The following ANXA1 variants were observed in gnomAD, a reference collection of about 807,000 sequenced individuals.
ANXA1 encodes annexin A1, also known as annexin I (lipocortin I).
In ANXA1, 39 loss-of-function variants were observed where a neutral mutation model predicts 47.9. That is an observed-to-expected ratio of 0.81 (90% CI 0.63 to 1.06). ANXA1 has a LOEUF of 1.06. Among genes scored for constraint, ANXA1 ranks in the 50% least tolerant of loss-of-function variants. The probability of loss-of-function intolerance (pLI) is 0.00; values close to 1 mark genes in which losing one functional copy is unlikely to be tolerated. For synonymous variants in ANXA1, 146 were observed against 142.5 expected (o/e 1.02, Z -0.17); for missense variants, 446 against 422.7 (o/e 1.06, Z -0.48).
intron 11 of ANXA1, chr9:73,168,264 G>C (rs1453839913): frequency 6.6e-6 from 1 of 152,160 alleles, no homozygotes; most frequent in Non-Finnish European, 1.5e-5. Flanking sequence ...GACATGCTAG[G>C]TACTGCTCTG....
chr9:73,159,194 T>G, intron 3 of ANXA1, 135 bp from the exon 4 acceptor site: 1 of 716,102 alleles, frequency 1.4e-6, no homozygotes, highest in South Asian at 1.9e-5. Context: ...TAGCATCGAT[T>G]TTTTAGGCTG....
chr9:73,163,679 C>A, intron 8 of ANXA1, 147 bp downstream of exon 8: 1 of 714,070 alleles, frequency 1.4e-6, no homozygotes, highest in Non-Finnish European at 2.3e-6. Context: ...GCATGTCTTT[C>A]TGTAGCCCCC....
chr9:73,158,855 T>C lies in ANXA1; in HGVS notation c.175+52T>C, dbSNP rs867179177. 8 of 1,397,746 alleles carry C rather than the reference T, an allele frequency of 5.7e-6. No homozygotes were observed. The Middle Eastern group carries it at 5.4e-4, about 94-fold the overall frequency. 86.6% of individuals were successfully genotyped at this position (1,397,746 alleles called of 1,614,324 possible). A position where few individuals can be genotyped will look rare whatever the true frequency, so the allele number is the denominator to read the frequency against. On this transcript the variant is annotated intron_variant, in intron 3 of 12. Coordinates refer to ENST00000257497, the MANE Select transcript of ANXA1 (RefSeq NM_000700.3). ...CTCCTGGACATTTCAGAATGGCTAT[T>C]TGAATGACTGTCAAAAAACAGACAT... is the stretch of plus-strand genomic sequence containing the variant.
Position 73,162,808 on chromosome 9 carries a change from A to T in ANXA1, c.502A>T (p.Ile168Leu). 6.2e-7 allele frequency: 1 copy of T among 1,613,266 alleles called. No individual in the cohort carries two copies. The highest frequency in any genetic ancestry group is 8.5e-7 in the Non-Finnish European group (1 of 1,179,494). The change falls in exon 7 of 13, where the codon ATA becomes TTA. Residue 168 changes from isoleucine (I) to leucine (L), a missense_variant. Ile to Leu is a conservative substitution (Grantham distance 5). Transcript: ENST00000257497. ...ACTGAAGAGAGATCTGGCCAAAGAC[A>T]TAACCTCAGACACATCTGGAGATTT... is the stretch of plus-strand genomic sequence containing the variant. ...EELKRDLAKDITSDTSGDFRN... is the reference protein window; with the variant it reads ...EELKRDLAKDLTSDTSGDFRN...
intron 3 of ANXA1, 57 bp downstream of exon 3, chr9:73,158,860 T>C (rs1824093238): frequency 7.3e-7 from 1 of 1,371,416 alleles, no homozygotes; most frequent in East Asian, 2.3e-5. Context: ...GCTATTTGAA[T>C]GACTGTCAAA....
intron 9 of ANXA1, chr9:73,165,539 A>G (rs1366392861): frequency 5.9e-6 from 1 of 169,552 alleles, no homozygotes; most frequent in South Asian, 1.6e-4. Flanking sequence ...AAACAAAAAA[A>G]AAAAAACAAA....
At chr9:73,154,630 G>A (rs957322740) in intron 1 of ANXA1, among the ~76,000 whole-genome samples, 2 of 152,100 alleles carry the variant, frequency 1.3e-5, no homozygotes, top group African/African-American at 4.8e-5. Flanking sequence ...GTAGAGACGG[G>A]GTTTCGCCAT....
chr9:73,169,035 G>A lies in ANXA1; in HGVS notation c.865G>A (p.Val289Ile), dbSNP rs1355355949. 1 of 1,609,276 alleles carries A rather than the reference G, an allele frequency of 6.2e-7. No homozygotes were observed. The highest frequency in any genetic ancestry group is 1.3e-5 in the African/African-American group (1 of 74,692). Reference protein sequence around the residue: ...AEKLHQAMKGVGTRHKALIRI... With the variant: ...AEKLHQAMKGIGTRHKALIRI... ...TACCCTCATTTATTTTGGCCAGGGT[G>A]TTGGAACTCGCCATAAGGCATTGAT... Residue 289 changes from valine to isoleucine, a missense_variant, in exon 12 of 13, where the codon GTT becomes ATT. Physicochemically the swap from Val to Ile is conservative, Grantham distance 29 (BLOSUM62 3). Transcript: ENST00000257497.
chr9:73,164,079 A>C (rs1824188024), intron 8 of ANXA1, among the ~76,000 whole-genome samples: 1 of 152,152 alleles, frequency 6.6e-6, no homozygotes, highest in Non-Finnish European at 1.5e-5. Flanking sequence ...TGGCAACATA[A>C]GAAAAATCAT....
At chr9:73,154,518 C>T (rs1483966378) in intron 1 of ANXA1, among the ~76,000 whole-genome samples, 3 of 152,140 alleles carry the variant, frequency 2.0e-5, no homozygotes, top group African/African-American at 7.2e-5. Flanking sequence ...TCACTGCAGC[C>T]TCCGCCTCTT....
At chr9:73,161,286 A>G (rs930587830) in intron 6 of ANXA1, among the ~76,000 whole-genome samples, 2 of 152,196 alleles carry the variant, frequency 1.3e-5, no homozygotes, top group African/African-American at 4.8e-5. Flanking sequence ...AAGAATATAT[A>G]ATAACAAAAA....
chr9:73,165,063 G>A, intron 8 of ANXA1, 53 bp from the exon 9 acceptor site: 2 of 1,396,044 alleles, frequency 1.4e-6, no homozygotes, highest in Non-Finnish European at 2.0e-6. Context: ...ACATTATTGT[G>A]CAGATATCAT....
In ANXA1 at chr9:73,170,056, A is replaced by C. The variant is rs1824297604; in HGVS notation, c.990A>C (p.Glu330Asp). The C allele has an allele frequency of 2.5e-6, 4 of 1,607,328 alleles. No individual in the cohort carries two copies. The African/African-American group carries it at 4.0e-5, about 16-fold the overall frequency. Residue 330 changes from glutamate to aspartate, a missense_variant, in exon 13 of 13, where the codon GAA (glutamate) becomes GAC (aspartate). Glu to Asp is a conservative substitution (Grantham distance 45). Transcript: ENST00000257497. Reference protein sequence around the residue: ...GISLCQAILDETKGDYEKILV... With the variant: ...GISLCQAILDDTKGDYEKILV... Reference sequence around the variant, plus strand: ...ACCTTTTTTTGAATCAACAGGATGAAACCAAAGGAGATTATGAGAAAATCC... The same window carrying C: ...ACCTTTTTTTGAATCAACAGGATGACACCAAAGGAGATTATGAGAAAATCC...
At chr9:73,158,107 C>T (rs1824077348) in intron 1 of ANXA1, 1 of 172,984 alleles carries the variant, frequency 5.8e-6, no homozygotes, top group Admixed American at 5.6e-5. Flanking sequence ...GGAGAGCACA[C>T]ACTAGCTTTA....
intron 5 of ANXA1, 112 bp downstream of exon 5, chr9:73,160,488 T>A: frequency 1.5e-6 from 1 of 679,536 alleles, no homozygotes; most frequent in Non-Finnish European, 2.4e-6. Flanking sequence ...TCAGTGGGAG[T>A]TTGAAGAATA....
At chr9:73,162,411 CT>C (rs1824157871) in intron 6 of ANXA1, among the ~76,000 whole-genome samples, 3 of 152,064 alleles carry the variant, frequency 2.0e-5, no homozygotes, top group African/African-American at 7.2e-5. Flanking sequence ...AAGCAAGTAC[CT>C]CATTTTGTTC....
At chr9:73,161,760 C>T (rs1268390529) in intron 6 of ANXA1, among the ~76,000 whole-genome samples, 1 of 152,044 alleles carries the variant, frequency 6.6e-6, no homozygotes, top group African/African-American at 2.4e-5. Context: ...ATCCATGTGT[C>T]AGTGGTAATA....
chr9:73,158,127 G>A (rs756457649), intron 1 of ANXA1: 4 of 186,152 alleles, frequency 2.1e-5, no homozygotes, highest in Admixed American at 1.1e-4. Flanking sequence ...AAGTCCTGAG[G>A]GTACTTAAGA....
At chr9:73,163,350 T>C (rs534590927) in intron 7 of ANXA1, 126 bp from the exon 8 acceptor site, 6 of 895,502 alleles carry the variant, frequency 6.7e-6, no homozygotes, top group Non-Finnish European at 1.0e-5. Context: ...TCTGAGCTCC[T>C]TCTAGAAATG....
Sources: gnomAD v4.1 joint callset for allele counts (sites outside exome capture counted in the v4.1 genomes callset) on GRCh38, gnomAD v4.1.1 for gene constraint, MANE v1.5 for transcripts, NCBI Gene and HGNC (gene_info 2026-07-23, HGNC 2026-07-21) for gene names.